THSD7A: variants seen among roughly 807,000 people sequenced by gnomAD.
THSD7A encodes thrombospondin type-1 domain-containing protein 7A.
In THSD7A, 96 loss-of-function variants were observed where a neutral mutation model predicts 231.3. The ratio of observed to expected loss-of-function variants is 0.41; its 90% confidence interval spans 0.35 to 0.49. The LOEUF is 0.49. Ranked by LOEUF, THSD7A falls within the 20% of genes least tolerant of loss-of-function variation. The probability of loss-of-function intolerance (pLI) is 0.05; values close to 1 mark genes in which losing one functional copy is unlikely to be tolerated. For missense variants in THSD7A, 2,290 were observed against 2,070.2 expected (o/e 1.11, Z -2.06); for synonymous variants, 940 against 743.3 (o/e 1.26, Z -4.30).
chr7:11,520,127 C>G (rs901675627), intron 6 of THSD7A: 2 of 152,168 alleles, frequency 1.3e-5, no homozygotes, highest in Non-Finnish European at 1.5e-5. Flanking sequence ...CAGCTGGAAA[C>G]AATCTCTAAC....
At chr7:11,592,011 A>G (rs1313300861) in intron 3 of THSD7A, among the ~76,000 whole-genome samples, 1 of 152,220 alleles carries the variant, frequency 6.6e-6, no homozygotes, top group Non-Finnish European at 1.5e-5. Flanking sequence ...TTGTGTTTGA[A>G]TATCTGAGAA....
intron 22 of THSD7A, 94 bp from the exon 23 acceptor site, chr7:11,402,062 T>C (rs1249869820): frequency 9.8e-7 from 1 of 1,020,300 alleles, no homozygotes; most frequent in East Asian, 2.4e-5. Context: ...GCAATGTTTC[T>C]GGTATCCCAG....
chr7:11,447,517 A>G, intron 11 of THSD7A, 93 bp from the exon 12 acceptor site: 1 of 1,112,948 alleles, frequency 9.0e-7, no homozygotes, highest in Non-Finnish European at 1.2e-6. Context: ...AAGCAGTCAG[A>G]GAAAGCCTCT....
chr7:11,820,295 G>A, intron 1 of THSD7A: 1 of 556,470 alleles, frequency 1.8e-6, no homozygotes, highest in Non-Finnish European at 2.8e-6. Context: ...CCCTGGGCAA[G>A]GAATTCCGTA....
intron 1 of THSD7A, among the ~76,000 whole-genome samples, chr7:11,641,915 G>A (rs1258643935): frequency 6.6e-6 from 1 of 151,972 alleles, no homozygotes; most frequent in East Asian, 1.9e-4. Context: ...ACGATGAAGG[G>A]CTGTCTACTT....
rs555867798 is a variant in THSD7A, at chr7:11,666,255, T to C, written c.191-29294A>G. On this transcript the variant is annotated intron_variant, in intron 1 of 27. Transcript: ENST00000423059. ...GCATATGTATAGTGAGATATCTTGGTGGTAGAACCCATGTCTAAACATGAA... is the reference window on the plus strand; with the variant it reads ...GCATATGTATAGTGAGATATCTTGGCGGTAGAACCCATGTCTAAACATGAA... Among the ~76,000 whole-genome samples, 13 of 152,206 alleles carry C rather than the reference T, an allele frequency of 8.5e-5. No individual in the cohort carries two copies. In the South Asian group the frequency reaches 2.5e-3, roughly 29 times the overall value.
At chr7:11,587,926 A>T (rs1240970804) in intron 4 of THSD7A, among the ~76,000 whole-genome samples, 3 of 152,120 alleles carry the variant, frequency 2.0e-5, no homozygotes, top group Non-Finnish European at 4.4e-5. Flanking sequence ...TCTTTTTCAC[A>T]CCTTGGTTAT....
chr7:11,700,964 A>C (rs1390990660), intron 1 of THSD7A, among the ~76,000 whole-genome samples: 2 of 151,322 alleles, frequency 1.3e-5, no homozygotes, highest in African/African-American at 4.8e-5. Context: ...TAATTTTATT[A>C]ATTTTATTTT....
intron 22 of THSD7A, among the ~76,000 whole-genome samples, chr7:11,402,798 A>C (rs1209740629): frequency 6.6e-6 from 1 of 152,112 alleles, no homozygotes; most frequent in Admixed American, 6.5e-5. Context: ...ATGAAGTTCT[A>C]ATTTCTTCAT....
At chr7:11,543,174 A>G in intron 4 of THSD7A, 57 bp from the exon 5 acceptor site, 1 of 1,495,592 alleles carries the variant, frequency 6.7e-7, no homozygotes, top group Non-Finnish European at 9.1e-7. Flanking sequence ...TATATGGCCA[A>G]CAATATGATT....
chr7:11,578,495 C>A (rs745485422), intron 4 of THSD7A, among the ~76,000 whole-genome samples: 1 of 152,098 alleles, frequency 6.6e-6, no homozygotes, highest in East Asian at 1.9e-4. Flanking sequence ...GTACCCAGAC[C>A]TCTGCTAAGA....
chr7:11,505,498 G>A (rs985302165), intron 6 of THSD7A, among the ~76,000 whole-genome samples: 1 of 151,336 alleles, frequency 6.6e-6, no homozygotes, highest in African/African-American at 2.4e-5. Context: ...AAGAAAGAAG[G>A]CAAAGTAATT....
At chr7:11,561,774 C>T (rs1377371752) in intron 4 of THSD7A, among the ~76,000 whole-genome samples, 1 of 152,136 alleles carries the variant, frequency 6.6e-6, no homozygotes, top group African/African-American at 2.4e-5. Flanking sequence ...ATTGCTTGAA[C>T]CTGGGAGGCA....
intron 4 of THSD7A, among the ~76,000 whole-genome samples, chr7:11,568,377 A>T (rs1269115572): frequency 1.3e-5 from 2 of 152,038 alleles, no homozygotes; most frequent in Non-Finnish European, 2.9e-5. Context: ...AAACTGGAAC[A>T]AGACTCTGGA....
At chr7:11,810,457 GA>G (rs1421435369) in intron 1 of THSD7A, among the ~76,000 whole-genome samples, 1 of 152,058 alleles carries the variant, frequency 6.6e-6, no homozygotes, top group East Asian at 1.9e-4. Flanking sequence ...ACATCTCCTT[GA>G]AAGATTATGA....
chr7:11,675,114 A>T lies in THSD7A; in HGVS notation c.191-38153T>A, dbSNP rs74744284. Reference sequence around the variant, plus strand: ...GTTAGAAAGTGGGTGCAGCCCATGGAGGGCAAGCAGAAGCAGGTGGGGTGT... The same window carrying T: ...GTTAGAAAGTGGGTGCAGCCCATGGTGGGCAAGCAGAAGCAGGTGGGGTGT... On this transcript the variant is annotated intron_variant, in intron 1 of 27. Transcript: ENST00000423059. 7.6e-4 allele frequency among the ~76,000 whole-genome samples: 115 copies of T among 152,058 alleles called. No homozygotes were observed. In the East Asian group the frequency reaches 0.022, roughly 29 times the overall value.
intron 6 of THSD7A, among the ~76,000 whole-genome samples, chr7:11,500,686 T>C (rs1034487590): frequency 2.0e-5 from 3 of 151,976 alleles, no homozygotes; most frequent in African/African-American, 7.3e-5. Flanking sequence ...ACATCTGTAA[T>C]CCCAGCACTT....
At chr7:11,822,169 T>C (rs1249723969) in intron 1 of THSD7A, among the ~76,000 whole-genome samples, 5 of 152,116 alleles carry the variant, frequency 3.3e-5, no homozygotes, top group Non-Finnish European at 7.4e-5. Context: ...TTGCACCCAT[T>C]AGGTAATTTC....
intron 1 of THSD7A, among the ~76,000 whole-genome samples, chr7:11,642,650 A>G (rs560900629): frequency 2.0e-5 from 3 of 152,268 alleles, no homozygotes; most frequent in African/African-American, 7.2e-5. Context: ...CACAATACAA[A>G]TATTTTCACT....
Sources: allele counts gnomAD v4.1 joint callset (sites outside exome capture counted in the v4.1 genomes callset), GRCh38; gene constraint gnomAD v4.1.1; transcripts MANE v1.5; gene names NCBI Gene and HGNC (gene_info 2026-07-23, HGNC 2026-07-21).